The following PRKCB variants were observed in gnomAD, a reference collection of about 807,000 sequenced individuals.
PRKCB encodes protein kinase C beta type.
Under a neutral mutation model 81.5 loss-of-function variants are expected in PRKCB, and 13 were observed. The observed-to-expected ratio is 0.16, with a 90% CI of 0.10 to 0.25. The LOEUF is 0.25. PRKCB is among the 10% of genes least tolerant of loss of function. The probability of loss-of-function intolerance (pLI) is 1.00; values close to 1 mark genes in which losing one functional copy is unlikely to be tolerated. For missense variants in PRKCB, 509 were observed against 875.7 expected (o/e 0.58, Z 5.29); for synonymous variants, 335 against 321.4 (o/e 1.04, Z -0.45).
At chr16:23,919,700 C>G (rs2141743808) in intron 2 of PRKCB, among the ~76,000 whole-genome samples, 1 of 152,310 alleles carries the variant, frequency 6.6e-6, no homozygotes, top group East Asian at 1.9e-4. Flanking sequence ...CACCACCATT[C>G]TACTTTGTCT....
At chr16:24,034,154 G>T (rs1965583638) in intron 4 of PRKCB, among the ~76,000 whole-genome samples, 1 of 152,314 alleles carries the variant, frequency 6.6e-6, no homozygotes, top group Non-Finnish European at 1.5e-5. Flanking sequence ...TACCACACAT[G>T]GGGCCCTAAT....
intron 2 of PRKCB, among the ~76,000 whole-genome samples, chr16:23,969,101 C>T (rs1182236150): frequency 3.3e-5 from 5 of 152,022 alleles, no homozygotes; most frequent in African/African-American, 9.7e-5. Context: ...ACCTGGGAGG[C>T]GGAGGTTGCA....
At chr16:24,037,852 CA>C (rs1965643331) in intron 5 of PRKCB, among the ~76,000 whole-genome samples, 1 of 127,774 alleles carries the variant, frequency 7.8e-6, no homozygotes, top group African/African-American at 3.0e-5. Context: ...TGGCTTAAGA[CA>C]AGACGTTTAA....
chr16:24,106,267 G>A (rs925083234), intron 7 of PRKCB, among the ~76,000 whole-genome samples: 5 of 152,108 alleles, frequency 3.3e-5, no homozygotes, highest in Admixed American at 1.3e-4. Context: ...TTATGTCACA[G>A]GATTGTTGCA....
At chr16:24,205,235 C>T (rs72779992) in intron 16 of PRKCB, among the ~76,000 whole-genome samples, 25,317 of 149,758 alleles carry the variant, frequency 0.17, 2,567 homozygotes, top group Admixed American at 0.22. Flanking sequence ...ACTGCAGCCT[C>T]CAGTTCCTGG....
At chr16:23,995,090 T>C (rs1416811035) in intron 3 of PRKCB, among the ~76,000 whole-genome samples, 3 of 152,110 alleles carry the variant, frequency 2.0e-5, no homozygotes, top group African/African-American at 7.2e-5. Flanking sequence ...TAGGGGTCAG[T>C]GGTGTGTGGC....
chr16:24,103,950 C>A (rs879695264), intron 7 of PRKCB, among the ~76,000 whole-genome samples: 3 of 152,188 alleles, frequency 2.0e-5, no homozygotes, highest in African/African-American at 7.2e-5. Flanking sequence ...GGATTACAGG[C>A]ATGTGCCACC....
intron 2 of PRKCB, among the ~76,000 whole-genome samples, chr16:23,912,141 C>G (rs1367338394): frequency 6.6e-6 from 1 of 152,066 alleles, no homozygotes. Context: ...TGCGCCACCC[C>G]TTTATACCCT....
At chr16:23,847,313 C>A (rs1962385676) in intron 2 of PRKCB, among the ~76,000 whole-genome samples, 1 of 151,508 alleles carries the variant, frequency 6.6e-6, no homozygotes, top group Non-Finnish European at 1.5e-5. Flanking sequence ...AAAATATGAT[C>A]CTGCCTCTAT....
chr16:23,952,570 C>T (rs1964297920), intron 2 of PRKCB, among the ~76,000 whole-genome samples: 1 of 152,078 alleles, frequency 6.6e-6, no homozygotes, highest in African/African-American at 2.4e-5. Flanking sequence ...CTCCCAGAGG[C>T]GCTCTTGTGA....
rs547643026 is a variant in PRKCB at position 23,957,614 on chromosome 16, C to G, written c.206-30894C>G. ...TTGCCCCCTTGAAGTCTGAGTCTCT[C>G]GTCTGTTCCTGGAGATTTTTAGCCA... On this transcript the variant is annotated intron_variant, in intron 2 of 16. Coordinates refer to ENST00000643927, the MANE Select transcript of PRKCB (RefSeq NM_002738.7). 5.9e-5 allele frequency among the ~76,000 whole-genome samples: 9 copies of G among 152,240 alleles called. No homozygotes were observed. In the East Asian group the frequency reaches 1.7e-3, roughly 29 times the overall value.
At chr16:23,956,932 C>A (rs1416892353) in intron 2 of PRKCB, among the ~76,000 whole-genome samples, 1 of 126,210 alleles carries the variant, frequency 7.9e-6, no homozygotes, top group African/African-American at 3.1e-5. Flanking sequence ...GAGTTTGATT[C>A]CTAACTCATA....
intron 15 of PRKCB, among the ~76,000 whole-genome samples, chr16:24,186,788 AT>A (rs1170306540): frequency 6.6e-6 from 1 of 152,236 alleles, no homozygotes; most frequent in East Asian, 1.9e-4. Context: ...CACTGCCTAA[AT>A]TCCCACTCTC....
intron 3 of PRKCB, 146 bp from the exon 4 acceptor site, chr16:24,031,990 G>T: frequency 3.5e-6 from 2 of 573,140 alleles, no homozygotes; most frequent in South Asian, 2.3e-5. Context: ...CTGGGCACAG[G>T]GCTCCAGCGA....
intron 12 of PRKCB, among the ~76,000 whole-genome samples, chr16:24,177,719 G>T (rs1967556684): frequency 6.6e-6 from 1 of 152,194 alleles, no homozygotes; most frequent in Admixed American, 6.5e-5. Flanking sequence ...GGGCTTCGTG[G>T]AACAAGGGGT....
At chr16:23,861,933 G>C (rs922769434) in intron 2 of PRKCB, among the ~76,000 whole-genome samples, 1 of 152,202 alleles carries the variant, frequency 6.6e-6, no homozygotes, top group Non-Finnish European at 1.5e-5. Flanking sequence ...AACGTCTTAA[G>C]ATGGGTTTTC....
chr16:23,852,541 C>T (rs933682476), intron 2 of PRKCB, among the ~76,000 whole-genome samples: 2 of 152,070 alleles, frequency 1.3e-5, no homozygotes, highest in Non-Finnish European at 2.9e-5. Context: ...GAGGATTTTT[C>T]CATCTATGTT....
intron 2 of PRKCB, among the ~76,000 whole-genome samples, chr16:23,922,713 T>C (rs1024368740): frequency 2.6e-5 from 4 of 152,140 alleles, no homozygotes; most frequent in African/African-American, 9.7e-5. Flanking sequence ...AAAAGAAAAA[T>C]AGCAAACTAC....
intron 2 of PRKCB, among the ~76,000 whole-genome samples, chr16:23,901,343 A>T (rs1963468648): frequency 6.6e-6 from 1 of 151,912 alleles, no homozygotes; most frequent in Non-Finnish European, 1.5e-5. Context: ...TCTCTTGCTT[A>T]AAAAAAATCG....
Sources: gnomAD v4.1 joint callset for allele counts (sites outside exome capture counted in the v4.1 genomes callset) on GRCh38, gnomAD v4.1.1 for gene constraint, MANE v1.5 for transcripts, NCBI Gene and HGNC (gene_info 2026-07-23, HGNC 2026-07-21) for gene names.